MARCHF1: variants seen among roughly 807,000 people sequenced by gnomAD.
MARCHF1 encodes membrane associated ring-CH-type finger 1.
Under a neutral mutation model 54.2 loss-of-function variants are expected in MARCHF1, and 40 were observed. That is an observed-to-expected ratio of 0.74 (90% confidence interval 0.57 to 0.96). MARCHF1 has a LOEUF of 0.96. MARCHF1 is among the 40% of genes least tolerant of loss of function. MARCHF1 has a pLI of 0.00. For synonymous variants in MARCHF1, 236 were observed against 236.3 expected, an observed-to-expected ratio of 1.00 and a Z score of 0.01; for missense variants, 586 against 656.5, an observed-to-expected ratio of 0.89 and a Z score of 1.17.
chr4:163,709,968 G>T (rs1745059395), intron 4 of MARCHF1, among the ~76,000 whole-genome samples: 1 of 152,132 alleles, frequency 6.6e-6, no homozygotes, highest in African/African-American at 2.4e-5. Context: ...AAGGACAATT[G>T]CTTGTAAGTT....
intron 1 of MARCHF1, among the ~76,000 whole-genome samples, chr4:164,169,460 T>C (rs934734980): frequency 2.6e-5 from 4 of 152,068 alleles, no homozygotes; most frequent in Non-Finnish European, 4.4e-5. Context: ...TCCTCACTTA[T>C]ATAATCAAGT....
intron 1 of MARCHF1, among the ~76,000 whole-genome samples, chr4:164,380,990 A>C (rs995483635): frequency 6.6e-6 from 1 of 152,208 alleles, no homozygotes; most frequent in Admixed American, 6.5e-5. Context: ...AGAGGTCCTA[A>C]AGTATCTGTT....
intron 9 of MARCHF1, among the ~76,000 whole-genome samples, chr4:163,531,761 A>C (rs1040528104): frequency 6.6e-6 from 1 of 151,826 alleles, no homozygotes; most frequent in Non-Finnish European, 1.5e-5. Flanking sequence ...ACAAAAAGTC[A>C]ATTGCTTTCC....
chr4:163,578,320 A>G (rs551148454), intron 8 of MARCHF1, among the ~76,000 whole-genome samples: 1 of 152,236 alleles, frequency 6.6e-6, no homozygotes, highest in Admixed American at 6.5e-5. Flanking sequence ...AAGTGAGGTT[A>G]TGTTTTCCCA....
At chr4:164,167,639 T>C (rs1468869853) in intron 1 of MARCHF1, among the ~76,000 whole-genome samples, 2 of 151,834 alleles carry the variant, frequency 1.3e-5, no homozygotes, top group East Asian at 3.8e-4. Context: ...ATAAGGGCAA[T>C]TAATTTTCAA....
intron 1 of MARCHF1, among the ~76,000 whole-genome samples, chr4:164,299,101 C>T: frequency 6.6e-6 from 1 of 152,062 alleles, no homozygotes; most frequent in Admixed American, 6.6e-5. Flanking sequence ...CAAATACTTG[C>T]TCAAAATTAA....
chr4:163,883,693 G>T (rs1048264623), intron 3 of MARCHF1, among the ~76,000 whole-genome samples: 2 of 152,078 alleles, frequency 1.3e-5, no homozygotes, highest in Non-Finnish European at 2.9e-5. Context: ...CTCAAATGTT[G>T]CATGGGGCAT....
intron 8 of MARCHF1, among the ~76,000 whole-genome samples, chr4:163,582,338 C>T (rs1740258170): frequency 6.6e-6 from 1 of 152,022 alleles, no homozygotes; most frequent in South Asian, 2.1e-4. Flanking sequence ...ATTGCTTTTC[C>T]TTGGATAAGC....
intron 2 of MARCHF1, among the ~76,000 whole-genome samples, chr4:164,101,796 C>T (rs922473885): frequency 6.7e-6 from 1 of 149,886 alleles, no homozygotes; most frequent in East Asian, 1.9e-4. Flanking sequence ...AAGAAGGCTT[C>T]AGACGATCAA....
rs570764962 is a variant in MARCHF1, at chr4:163,589,326, A to G, written c.1011-3397T>C. On this transcript the variant is annotated intron_variant, in intron 7 of 9. Transcript: ENST00000514618. ...CTTTTTAAAAATTTCTGCTAAAACT[A>G]CTACCTGAAGCACCACTAACAACAT... Among the ~76,000 whole-genome samples the G allele has an allele frequency of 1.2e-4, 19 of 152,260 alleles. No homozygotes were observed. In the East Asian group the frequency reaches 3.5e-3, roughly 28 times the overall value.
chr4:164,028,771 G>A (rs1451695493), intron 2 of MARCHF1, among the ~76,000 whole-genome samples: 1 of 152,046 alleles, frequency 6.6e-6, no homozygotes, highest in Admixed American at 6.6e-5. Flanking sequence ...AGTTATACTG[G>A]CTACATTTCA....
chr4:163,893,542 C>T (rs773726420), intron 3 of MARCHF1, among the ~76,000 whole-genome samples: 29 of 151,960 alleles, frequency 1.9e-4, no homozygotes, highest in Non-Finnish European at 3.8e-4. Context: ...GCAGGATGGC[C>T]ATGGAAAATA....
At chr4:163,703,253 A>T (rs1744859693) in intron 4 of MARCHF1, among the ~76,000 whole-genome samples, 1 of 152,040 alleles carries the variant, frequency 6.6e-6, no homozygotes, top group African/African-American at 2.4e-5. Flanking sequence ...TAAACATCTT[A>T]TTTTCTATAT....
At chr4:163,586,079 C>G in intron 7 of MARCHF1, 150 bp from the exon 8 acceptor site, 1 of 641,264 alleles carries the variant, frequency 1.6e-6, no homozygotes, top group South Asian at 2.6e-5. Flanking sequence ...GATGCTAGAA[C>G]CAAATCTATG....
At chr4:164,051,473 G>T (rs1754363420) in intron 2 of MARCHF1, among the ~76,000 whole-genome samples, 1 of 152,070 alleles carries the variant, frequency 6.6e-6, no homozygotes, top group African/African-American at 2.4e-5. Context: ...ATTTCTACCT[G>T]GTGGGAGAAT....
intron 2 of MARCHF1, among the ~76,000 whole-genome samples, chr4:164,049,515 C>T (rs1754313970): frequency 6.6e-6 from 1 of 152,004 alleles, no homozygotes; most frequent in South Asian, 2.1e-4. Flanking sequence ...TAAAAATTAG[C>T]ACAAGTACTA....
intron 3 of MARCHF1, among the ~76,000 whole-genome samples, chr4:163,945,756 A>C (rs1752010786): frequency 6.6e-6 from 1 of 152,230 alleles, no homozygotes; most frequent in Non-Finnish European, 1.5e-5. Flanking sequence ...ATACACTCAG[A>C]GGTTTACCAC....
intron 1 of MARCHF1, chr4:164,188,748 C>G: frequency 1.0e-6 from 1 of 981,422 alleles, no homozygotes. Flanking sequence ...GAAAAGAAAA[C>G]TAAACCATAC....
chr4:163,683,531 A>G (rs980696740), intron 5 of MARCHF1, among the ~76,000 whole-genome samples: 1 of 152,180 alleles, frequency 6.6e-6, no homozygotes, highest in Admixed American at 6.5e-5. Flanking sequence ...AATATTAAAG[A>G]TAAGGGACTA....
Sources: gnomAD v4.1 joint callset for allele counts (sites outside exome capture counted in the v4.1 genomes callset) on GRCh38, gnomAD v4.1.1 for gene constraint, MANE v1.5 for transcripts, NCBI Gene and HGNC (gene_info 2026-07-23, HGNC 2026-07-21) for gene names.